The following GARRE1 variants were observed in gnomAD, a reference collection of about 807,000 sequenced individuals.
GARRE1 encodes granule associated Rac and RHOG effector protein 1.
GARRE1 carries 49 observed loss-of-function variants against 103.2 expected under a neutral mutation model. That is an observed-to-expected ratio of 0.47 (90% CI 0.38 to 0.60). The LOEUF (loss-of-function observed/expected upper bound fraction) is 0.60, where lower values mean the gene tolerates loss of function less well. Among genes scored for constraint, GARRE1 ranks in the 20% least tolerant of loss-of-function variants. The pLI, the probability that GARRE1 is intolerant of heterozygous loss-of-function variation, is 0.00. For missense variants in GARRE1, 1,199 were observed against 1,370.5 expected (o/e 0.87, Z 1.98); for synonymous variants, 505 against 532.8 (o/e 0.95, Z 0.72).
At position 34,300,409 on chromosome 19, in the gene GARRE1, G is replaced by A; in HGVS notation, c.-65G>A. 1 of 1,500,064 alleles carries A rather than the reference G, an allele frequency of 6.7e-7. No homozygotes were observed. Among genetic ancestry groups the A allele is most frequent in the Middle Eastern group, 1.8e-4 (1 of 5,550 alleles). 92.9% of individuals were successfully genotyped at this position (1,500,064 alleles called of 1,614,324 possible). On this transcript the variant is annotated 5_prime_UTR_variant, in exon 2 of 14. Coordinates refer to ENST00000299505, the MANE Select transcript of GARRE1 (RefSeq NM_014686.5). Reference sequence around the variant, plus strand: ...TCCACTATTTTTATACCTAGCTACAGTTTTGAGAAAGAAGAATCAGAACCC... The same window carrying A: ...TCCACTATTTTTATACCTAGCTACAATTTTGAGAAAGAAGAATCAGAACCC...
intron 2 of GARRE1, among the ~76,000 whole-genome samples, chr19:34,305,427 G>A (rs1318500945): frequency 6.6e-6 from 1 of 152,212 alleles, no homozygotes; most frequent in Non-Finnish European, 1.5e-5. Flanking sequence ...GACTCTGACA[G>A]CTGTCACCCC....
At chr19:34,337,050 G>GTTT (rs113410326) in intron 8 of GARRE1, among the ~76,000 whole-genome samples, 3 of 115,968 alleles carry the variant, frequency 2.6e-5, no homozygotes, top group African/African-American at 6.4e-5. Context: ...TTTTAGTTCT[G>GTTT]TTTTTTTTTT....
chr19:34,292,048 G>C (rs1433762532), intron 1 of GARRE1, among the ~76,000 whole-genome samples: 1 of 152,022 alleles, frequency 6.6e-6, no homozygotes, highest in East Asian at 1.9e-4. Flanking sequence ...TTTTAGTAGA[G>C]ACGGGGTTTT....
rs868628418 is a variant in GARRE1 at position 34,303,906 on chromosome 19, C to T, written c.495+2938C>T. Among the ~76,000 whole-genome samples the T allele has an allele frequency of 1.8e-4, 28 of 152,100 alleles. 1 individual carries two copies. The Middle Eastern group carries it at 0.014, about 74-fold the overall frequency. Reference sequence around the variant, plus strand: ...GCTGGGATTTACAGGTGTAAGCCACCGCTCCCGGCCTTGTTTTTATTTTTA... The same window carrying T: ...GCTGGGATTTACAGGTGTAAGCCACTGCTCCCGGCCTTGTTTTTATTTTTA... On this transcript the variant is annotated intron_variant, in intron 2 of 13. Transcript: ENST00000299505.
intron 2 of GARRE1, among the ~76,000 whole-genome samples, chr19:34,303,075 T>C (rs2073989015): frequency 6.6e-6 from 1 of 152,180 alleles, no homozygotes; most frequent in Non-Finnish European, 1.5e-5. Flanking sequence ...ATATTATTCT[T>C]TTAGGGCTCT....
At position 34,300,305 on chromosome 19, in the gene GARRE1, T is replaced by C. The variant is rs1268859849; in HGVS notation, c.-169T>C. 3 of 604,944 alleles carry C rather than the reference T, an allele frequency of 5.0e-6. No homozygotes were observed. In the East Asian group the frequency reaches 8.3e-5, roughly 17 times the overall value. The allele number at this position is 604,944 out of a possible 1,614,324, so 37.5% of individuals were successfully genotyped here. A position where few individuals can be genotyped will look rare whatever the true frequency, so the allele number is the denominator to read the frequency against. On this transcript the variant is annotated 5_prime_UTR_variant, in exon 2 of 14. Coordinates refer to ENST00000299505, the MANE Select transcript of GARRE1 (RefSeq NM_014686.5). ...TGAAAATATTAATTATATAAACCTG[T>C]TGTCTCTCACCTCTACATTGGATCA... is the stretch of plus-strand genomic sequence containing the variant.
intron 9 of GARRE1, among the ~76,000 whole-genome samples, 189 bp downstream of exon 9, chr19:34,340,181 C>T (rs895643890): frequency 1.3e-4 from 20 of 152,172 alleles, no homozygotes; most frequent in Non-Finnish European, 2.9e-5. Flanking sequence ...AAGAACTGCT[C>T]CATGCCCTGT....
intron 1 of GARRE1, among the ~76,000 whole-genome samples, chr19:34,264,517 G>A (rs577834863): frequency 2.6e-5 from 4 of 152,192 alleles, no homozygotes; most frequent in South Asian, 2.1e-4. Flanking sequence ...TCCTGCCTCA[G>A]CCTCCTGAGT....
intron 5 of GARRE1, 36 bp downstream of exon 5, chr19:34,327,902 G>GGC (rs1208506096): frequency 6.2e-7 from 1 of 1,613,006 alleles, no homozygotes; most frequent in Non-Finnish European, 8.5e-7. Context: ...GGGGACCTAT[G>GGC]GCGCTGCTCC....
In GARRE1 at chr19:34,328,038, C is replaced by G. The variant is rs745362229; in HGVS notation, c.991C>G (p.Pro331Ala). 1 of 1,614,010 alleles carries G rather than the reference C, an allele frequency of 6.2e-7. No homozygotes were observed. Among genetic ancestry groups the G allele is most frequent in the African/African-American group, 1.3e-5 (1 of 74,906 alleles). ...EAQQTGRRQTPPQPMQCELPT... is the reference protein window; with the variant it reads ...EAQQTGRRQTAPQPMQCELPT... Reference sequence around the variant, plus strand: ...CCAGCAGACGGGGCGGAGGCAGACACCCCCGCAGCCCATGCAGTGTGAGCT... The same window carrying G: ...CCAGCAGACGGGGCGGAGGCAGACAGCCCCGCAGCCCATGCAGTGTGAGCT... The change falls in exon 6 of 14, where the codon CCC (proline) becomes GCC (alanine). Residue 331 changes from proline to alanine, a missense_variant. Coordinates refer to ENST00000299505, the MANE Select transcript of GARRE1 (RefSeq NM_014686.5).
chr19:34,344,604 AAAG>A (rs1568312323), intron 10 of GARRE1, among the ~76,000 whole-genome samples: 2 of 151,760 alleles, frequency 1.3e-5, no homozygotes, highest in African/African-American at 2.4e-5. Context: ...AAAAAAAAAA[AAAG>A]AGGACACTCC....
intron 13 of GARRE1, among the ~76,000 whole-genome samples, chr19:34,352,438 T>C (rs1461403601): frequency 4.0e-5 from 6 of 150,558 alleles, no homozygotes; most frequent in African/African-American, 1.5e-4. Flanking sequence ...CAGTTTGCAC[T>C]AGTCACATGT....
intron 2 of GARRE1, among the ~76,000 whole-genome samples, chr19:34,311,705 G>C (rs2074037687): frequency 6.6e-6 from 1 of 152,126 alleles, no homozygotes; most frequent in Non-Finnish European, 1.5e-5. Context: ...CTGCCTCCTG[G>C]GTTTAGGCGA....
At position 34,352,707 on chromosome 19, in the gene GARRE1, A is replaced by T. The variant is rs574884474; in HGVS notation, c.2965A>T (p.Ser989Cys). ...APWQHPSPLP[S>C]TLPSPSAPLY... Reference sequence around the variant, plus strand: ...CTGGCAGCACCCTTCCCCGCTTCCCAGCACGCTGCCCAGCCCCAGCGCACC... The same window carrying T: ...CTGGCAGCACCCTTCCCCGCTTCCCTGCACGCTGCCCAGCCCCAGCGCACC... Residue 989 changes from serine to cysteine, a missense_variant, in exon 14 of 14, where the codon AGC becomes TGC. Transcript: ENST00000299505. The T allele has an allele frequency of 1.9e-6, 3 of 1,614,030 alleles. No individual in the cohort carries two copies. The Admixed American group carries it at 5.0e-5, about 27-fold the overall frequency.
chr19:34,286,355 G>A (rs1025195659), intron 1 of GARRE1, among the ~76,000 whole-genome samples: 2 of 151,740 alleles, frequency 1.3e-5, no homozygotes, highest in African/African-American at 4.8e-5. Context: ...GAGTAGCTGG[G>A]ACTACAGGTG....
At chr19:34,260,914 T>A (rs955999176) in intron 1 of GARRE1, among the ~76,000 whole-genome samples, 1 of 152,176 alleles carries the variant, frequency 6.6e-6, no homozygotes, top group Non-Finnish European at 1.5e-5. Context: ...TGGGAGAGGA[T>A]TGGGACAGTG....
intron 1 of GARRE1, among the ~76,000 whole-genome samples, chr19:34,271,022 A>T (rs948268007): frequency 6.6e-6 from 1 of 152,180 alleles, no homozygotes; most frequent in East Asian, 1.9e-4. Flanking sequence ...ACACAAAATT[A>T]TACTTTTCCC....
intron 1 of GARRE1, among the ~76,000 whole-genome samples, chr19:34,257,533 C>T (rs559321617): frequency 6.6e-6 from 1 of 151,736 alleles, no homozygotes; most frequent in Admixed American, 6.6e-5. Context: ...GTAACTTTGT[C>T]CTTAGTGAAA....
rs763915327 is a variant in GARRE1 at position 34,330,357 on chromosome 19, C to T, written c.1263+10C>T. 13 of 1,613,426 alleles carry T rather than the reference C, an allele frequency of 8.1e-6. No homozygotes were observed. The highest frequency in any genetic ancestry group is 6.7e-5 in the East Asian group (3 of 44,884). ...TGGCCAGGCTGGACTGGTGAGTGAG[C>T]GTGGGTGGTGGATGATAGGTAGAAT... On this transcript the variant is annotated intron_variant, in intron 7 of 13. Transcript: ENST00000299505.
Sources: allele counts gnomAD v4.1 joint callset (sites outside exome capture counted in the v4.1 genomes callset), GRCh38; gene constraint gnomAD v4.1.1; transcripts MANE v1.5; gene names NCBI Gene and HGNC (gene_info 2026-07-23, HGNC 2026-07-21).